Variants in HHLA2 observed in about 807,000 individuals in gnomAD.
The protein encoded by HHLA2 is HERV-H LTR-associating protein 2.
HHLA2 carries 48 observed loss-of-function variants against 45.9 expected under a neutral mutation model. The ratio of observed to expected loss-of-function variants is 1.05; its 90% CI spans 0.83 to 1.33. The LOEUF is 1.33. HHLA2 is among the 40% of genes most tolerant of loss of function. The probability of loss-of-function intolerance (pLI) is 0.00; values close to 1 mark genes in which losing one functional copy is unlikely to be tolerated. For synonymous variants in HHLA2, 161 were observed against 173.9 expected (o/e 0.93, Z 0.59); for missense variants, 462 against 494.3 (o/e 0.93, Z 0.62).
chr3:108,369,541 G>T (rs1448259920), intron 8 of HHLA2, among the ~76,000 whole-genome samples: 1 of 152,214 alleles, frequency 6.6e-6, no homozygotes, highest in East Asian at 1.9e-4. Context: ...AGCACAAGGG[G>T]TCAGGGAATT....
At chr3:108,301,532 C>T (rs577706520) in intron 1 of HHLA2, among the ~76,000 whole-genome samples, 1 of 151,840 alleles carries the variant, frequency 6.6e-6, no homozygotes, top group South Asian at 2.1e-4. Context: ...TTCCTCCCCA[C>T]CCCACCACAA....
chr3:108,340,813 C>A (rs2081551200), intron 3 of HHLA2, among the ~76,000 whole-genome samples: 1 of 150,926 alleles, frequency 6.6e-6, no homozygotes. Context: ...CTCTTGAAAA[C>A]AAGGATTTAC....
chr3:108,305,544 T>C (rs2080915684), intron 1 of HHLA2, among the ~76,000 whole-genome samples: 1 of 152,184 alleles, frequency 6.6e-6, no homozygotes, highest in Non-Finnish European at 1.5e-5. Flanking sequence ...TGTCATCATC[T>C]AGTCCCTTTA....
chr3:108,299,115 A>G (rs2107272510), intron 1 of HHLA2, among the ~76,000 whole-genome samples: 1 of 152,308 alleles, frequency 6.6e-6, no homozygotes. Flanking sequence ...TGCAATCACT[A>G]CAATATCCTG....
intron 2 of HHLA2, among the ~76,000 whole-genome samples, chr3:108,321,824 C>T (rs577911072): frequency 2.6e-5 from 4 of 152,172 alleles, no homozygotes; most frequent in African/African-American, 9.6e-5. Flanking sequence ...GCCTCTGTGT[C>T]TATTTACTGT....
intron 7 of HHLA2, among the ~76,000 whole-genome samples, chr3:108,360,068 A>G (rs559015715): frequency 1.5e-4 from 22 of 150,902 alleles, no homozygotes; most frequent in African/African-American, 4.9e-4. Context: ...AGTAATTTTT[A>G]TATTTTTCAG....
At chr3:108,364,443 G>T (rs2082030439) in intron 8 of HHLA2, among the ~76,000 whole-genome samples, 1 of 152,150 alleles carries the variant, frequency 6.6e-6, no homozygotes, top group African/African-American at 2.4e-5. Context: ...GCATAGTGCT[G>T]CAATAAACAT....
chr3:108,376,536 C>T (rs766170386), exon 10 of HHLA2: 22 of 1,611,960 alleles, frequency 1.4e-5, no homozygotes, highest in South Asian at 5.5e-5. Flanking sequence ...CCAGTGCACC[C>T]GATAATGGCG....
chr3:108,338,092 T>C (rs944480116), intron 3 of HHLA2, among the ~76,000 whole-genome samples: 1 of 151,918 alleles, frequency 6.6e-6, no homozygotes, highest in African/African-American at 2.4e-5. Flanking sequence ...TATGTATATA[T>C]GTAGCGATAC....
chr3:108,296,785 AG>A (rs1207844387), intron 1 of HHLA2, among the ~76,000 whole-genome samples, 186 bp downstream of exon 1: 2 of 152,264 alleles, frequency 1.3e-5, no homozygotes, highest in African/African-American at 4.8e-5. Flanking sequence ...ACTTAGTAAA[AG>A]GTTGTCTTGA....
At chr3:108,367,108 G>T (rs569995512) in intron 8 of HHLA2, among the ~76,000 whole-genome samples, 2 of 152,192 alleles carry the variant, frequency 1.3e-5, no homozygotes, top group Non-Finnish European at 2.9e-5. Flanking sequence ...ACCTGCAGAA[G>T]AGGGTCCTGA....
intron 8 of HHLA2, among the ~76,000 whole-genome samples, chr3:108,370,071 G>T (rs917787955): frequency 6.6e-6 from 1 of 152,200 alleles, no homozygotes; most frequent in South Asian, 2.1e-4. Flanking sequence ...CAGTAGGGGC[G>T]GACTCACACC....
chr3:108,345,154 A>C (rs1378554450), intron 3 of HHLA2, among the ~76,000 whole-genome samples: 1 of 152,228 alleles, frequency 6.6e-6, no homozygotes, highest in Non-Finnish European at 1.5e-5. Flanking sequence ...ACACAGAGAA[A>C]GATGCTAAGA....
chr3:108,376,513 G>A, exon 10 of HHLA2: 1 of 1,608,976 alleles, frequency 6.2e-7, no homozygotes, highest in Non-Finnish European at 8.5e-7. Flanking sequence ...TGTCCCTCCT[G>A]GTGAGCGCTG....
intron 8 of HHLA2, among the ~76,000 whole-genome samples, chr3:108,369,686 G>T (rs1045612896): frequency 1.3e-5 from 2 of 152,204 alleles, no homozygotes; most frequent in South Asian, 4.1e-4. Flanking sequence ...GACTCAGAGG[G>T]TCCTACACCC....
intron 3 of HHLA2, among the ~76,000 whole-genome samples, chr3:108,346,743 A>G (rs1333702475): frequency 6.6e-6 from 1 of 152,198 alleles, no homozygotes. Flanking sequence ...AATGGTTTTG[A>G]GCGTTACTAA....
chr3:108,317,610 T>C, intron 2 of HHLA2, among the ~76,000 whole-genome samples: 1 of 150,850 alleles, frequency 6.6e-6, no homozygotes, highest in Non-Finnish European at 1.5e-5. Context: ...AGTCTCACTC[T>C]GTTGCCCAGG....
chr3:108,371,119 A>C (rs949534928), intron 8 of HHLA2, among the ~76,000 whole-genome samples: 3 of 152,226 alleles, frequency 2.0e-5, no homozygotes, highest in African/African-American at 7.2e-5. Flanking sequence ...TCAGACTAAC[A>C]GCTGATCTCT....
intron 2 of HHLA2, among the ~76,000 whole-genome samples, chr3:108,321,337 T>C (rs983480930): frequency 2.0e-5 from 3 of 152,176 alleles, no homozygotes; most frequent in East Asian, 3.8e-4. Context: ...CATTTTCCCA[T>C]AGCTTCTTGA....
Sources: allele counts gnomAD v4.1 joint callset (sites outside exome capture counted in the v4.1 genomes callset), GRCh38; gene constraint gnomAD v4.1.1; transcripts MANE v1.5; gene names NCBI Gene and HGNC (gene_info 2026-07-23, HGNC 2026-07-21).